The following FIG4 variants were observed in gnomAD, a reference collection of about 807,000 sequenced individuals.
FIG4 encodes the protein FIG4 phosphoinositide 5-phosphatase, also known as polyphosphoinositide phosphatase.
In FIG4, 112 loss-of-function variants were observed where a neutral mutation model predicts 118.6. That is an observed-to-expected ratio of 0.94 (90% CI 0.81 to 1.11). The LOEUF (loss-of-function observed/expected upper bound fraction) is 1.11, where lower values mean the gene tolerates loss of function less well. FIG4 is among the 50% of genes least tolerant of loss of function. The pLI, the probability that FIG4 is intolerant of heterozygous loss-of-function variation, is 0.00. For synonymous variants in FIG4, 369 were observed against 381.2 expected (o/e 0.97, Z 0.37); for missense variants, 969 against 1,111.7 (o/e 0.87, Z 1.83).
At chr6:109,817,308 C>T (rs909202721) in intron 22 of FIG4, among the ~76,000 whole-genome samples, 3 of 152,048 alleles carry the variant, frequency 2.0e-5, no homozygotes, top group Non-Finnish European at 4.4e-5. Context: ...ACAATGCAGC[C>T]GAATATTGGT....
rs766313761 is a variant in FIG4, at chr6:109,760,243, G to T, written c.1138-7G>T. On this transcript the variant is annotated splice_region_variant and splice_polypyrimidine_tract_variant and intron_variant, in intron 10 of 22. Transcript: ENST00000230124. ...AGAACACTGAAAATGTTTAATTTTT[G>T]ATAAAGGAACGAGAGAAAAGAAAGC... is the stretch of plus-strand genomic sequence containing the variant. The T allele has an allele frequency of 1.9e-6, 3 of 1,611,926 alleles. No homozygotes were observed. Among genetic ancestry groups the T allele is most frequent in the East Asian group, 4.5e-5 (2 of 44,848 alleles).
intron 22 of FIG4, among the ~76,000 whole-genome samples, chr6:109,816,549 C>T (rs1213199963): frequency 6.6e-6 from 1 of 152,102 alleles, no homozygotes; most frequent in East Asian, 1.9e-4. Context: ...AGCAAATGTA[C>T]CGTACTAATG....
Position 109,763,920 on chromosome 6 carries a change from TTTA to T in FIG4, c.1389-14_1389-12del. The T allele has an allele frequency of 1.3e-6, 2 of 1,592,490 alleles. No individual in the cohort carries two copies. Among genetic ancestry groups the T allele is most frequent in the Non-Finnish European group, 1.7e-6 (2 of 1,160,370 alleles). On this transcript the variant is annotated splice_polypyrimidine_tract_variant and intron_variant, in intron 12 of 22. Transcript: ENST00000230124. ...TCTGCCATTAAGTTTTTTAAAAGTG[TTTA>T]TTTTTAAACACAGGTGGAATGAACT...
At chr6:109,720,786 A>G (rs1775582723) in intron 3 of FIG4, among the ~76,000 whole-genome samples, 1 of 152,210 alleles carries the variant, frequency 6.6e-6, no homozygotes, top group African/African-American at 2.4e-5. Flanking sequence ...TGTTTTGAAT[A>G]TTACTGACCT....
intron 12 of FIG4, among the ~76,000 whole-genome samples, chr6:109,763,350 T>A (rs1024764377): frequency 3.3e-5 from 5 of 152,224 alleles, no homozygotes; most frequent in Admixed American, 6.5e-5. Flanking sequence ...GGTTAACTCT[T>A]TTCTGCACAG....
In FIG4 at chr6:109,717,719, C is replaced by G. The variant is rs73535356; in HGVS notation, c.289+1151C>G. On this transcript the variant is annotated intron_variant, in intron 3 of 22. Coordinates refer to ENST00000230124, the MANE Select transcript of FIG4 (RefSeq NM_014845.6). ...AAAGAGGGAACTCCAGTAAGGGTGA[C>G]AGCAGAGGCACATACATGAAGGTAC... Among the ~76,000 whole-genome samples, 1,232 of 152,214 alleles carry G rather than the reference C, an allele frequency of 8.1e-3. 26 individuals carry two copies. Among genetic ancestry groups the G allele is most frequent in the African/African-American group, 0.026 (1,092 of 41,532 alleles).
chr6:109,788,665 G>A (rs1006913388), intron 18 of FIG4, among the ~76,000 whole-genome samples: 1 of 152,202 alleles, frequency 6.6e-6, no homozygotes. Context: ...AAATGAAAAC[G>A]ATCAATTGTG....
At chr6:109,750,277 CTG>C (rs1405220086) in intron 10 of FIG4, among the ~76,000 whole-genome samples, 2 of 152,180 alleles carry the variant, frequency 1.3e-5, no homozygotes, top group Non-Finnish European at 1.5e-5. Flanking sequence ...TCAAGTATAA[CTG>C]TACATCAGAA....
intron 22 of FIG4, among the ~76,000 whole-genome samples, chr6:109,812,631 C>A (rs1485674164): frequency 3.3e-5 from 5 of 152,090 alleles, no homozygotes; most frequent in African/African-American, 1.2e-4. Context: ...GTTTAGGCAA[C>A]AGGAAGGTTA....
chr6:109,698,030 A>C (rs1383021809), intron 1 of FIG4, among the ~76,000 whole-genome samples: 4 of 151,932 alleles, frequency 2.6e-5, no homozygotes, highest in Non-Finnish European at 5.9e-5. Context: ...CTGGGATTAC[A>C]GGTGCACACC....
At chr6:109,753,903 C>A (rs1416369705) in intron 10 of FIG4, among the ~76,000 whole-genome samples, 2 of 152,186 alleles carry the variant, frequency 1.3e-5, no homozygotes, top group Non-Finnish European at 2.9e-5. Context: ...AATTTGACTT[C>A]CTCTTTTCCG....
intron 2 of FIG4, among the ~76,000 whole-genome samples, chr6:109,716,137 A>G (rs989745087): frequency 3.3e-5 from 5 of 152,298 alleles, no homozygotes; most frequent in East Asian, 1.9e-4. Context: ...AATTTTGCAC[A>G]TAGTTTTAAG....
chr6:109,707,491 T>A (rs1775123912), intron 1 of FIG4, among the ~76,000 whole-genome samples: 1 of 150,740 alleles, frequency 6.6e-6, no homozygotes, highest in Non-Finnish European at 1.5e-5. Flanking sequence ...AAAAATTCCA[T>A]GTATTTCTAC....
At chr6:109,727,054 TA>T in intron 3 of FIG4, 54 bp from the exon 4 acceptor site, 1 of 1,389,262 alleles carries the variant, frequency 7.2e-7, no homozygotes, top group Non-Finnish European at 1.0e-6. Context: ...AATAGGCATC[TA>T]AAAGCCATTA....
At chr6:109,780,361 C>T (rs1472953508) in intron 16 of FIG4, among the ~76,000 whole-genome samples, 3 of 152,070 alleles carry the variant, frequency 2.0e-5, no homozygotes, top group Non-Finnish European at 4.4e-5. Context: ...CACAGGTGGA[C>T]ACCACCACAC....
intron 15 of FIG4, among the ~76,000 whole-genome samples, chr6:109,769,076 C>G (rs1270593866): frequency 6.6e-6 from 1 of 150,508 alleles, no homozygotes; most frequent in Non-Finnish European, 1.5e-5. Flanking sequence ...TAATAGGGGT[C>G]ATTATTGACA....
At chr6:109,747,451 G>A (rs988009408) in intron 10 of FIG4, among the ~76,000 whole-genome samples, 3 of 152,108 alleles carry the variant, frequency 2.0e-5, no homozygotes, top group Admixed American at 6.6e-5. Flanking sequence ...CACAATGAAG[G>A]AAGTAAATGA....
chr6:109,797,915 A>G (rs79264721), intron 22 of FIG4, among the ~76,000 whole-genome samples: 11,920 of 148,056 alleles, frequency 0.081, 1,038 homozygotes, highest in African/African-American at 0.22. Flanking sequence ...AAAAAAAAAA[A>G]TGAGTCACTG....
chr6:109,728,214 AT>A (rs1489706554), intron 4 of FIG4, among the ~76,000 whole-genome samples: 1 of 152,216 alleles, frequency 6.6e-6, no homozygotes, highest in Non-Finnish European at 1.5e-5. Context: ...AATAAAATGT[AT>A]TTGTATATTT....
Sources: gnomAD v4.1 joint callset for allele counts (sites outside exome capture counted in the v4.1 genomes callset) on GRCh38, gnomAD v4.1.1 for gene constraint, MANE v1.5 for transcripts, NCBI Gene and HGNC (gene_info 2026-07-23, HGNC 2026-07-21) for gene names.